Variants in SPOP observed in about 807,000 individuals in gnomAD.
SPOP encodes the protein speckle type BTB/POZ protein, also known as speckle-type POZ protein.
A neutral mutation model predicts 45.6 loss-of-function variants in SPOP; 11 were observed. That is an observed-to-expected ratio of 0.24 (90% CI 0.15 to 0.40). The LOEUF is 0.40. SPOP is among the 10% of genes least tolerant of loss of function. The pLI, the probability that SPOP is intolerant of heterozygous loss-of-function variation, is 1.00. For missense variants in SPOP, 152 were observed against 465.6 expected, an observed-to-expected ratio of 0.33 and a Z score of 6.20; for synonymous variants, 166 against 166.3, an observed-to-expected ratio of 1.00 and a Z score of 0.01.
intron 2 of SPOP, 77 bp from the exon 3 acceptor site, chr17:49,622,144 T>C: frequency 6.5e-7 from 1 of 1,544,096 alleles, no homozygotes; most frequent in Non-Finnish European, 8.8e-7. Context: ...CAGATTATCA[T>C]TTCCCCTCCC....
rs913445549 is a variant in SPOP, at chr17:49,641,482, C to A, written c.-66-18606G>T. 3.3e-5 allele frequency among the ~76,000 whole-genome samples: 5 copies of A among 150,008 alleles called. No individual in the cohort carries two copies. The East Asian group carries it at 9.8e-4, about 29-fold the overall frequency. ...ACAGTGTCTGGCACATGGAAGGCTA[C>A]AAATACTTATTTAATAAATGACTGA... On this transcript the variant is annotated intron_variant, in intron 1 of 9. Transcript: ENST00000504102.
intron 5 of SPOP, among the ~76,000 whole-genome samples, chr17:49,614,910 T>C (rs1172553190): frequency 6.6e-6 from 1 of 151,234 alleles, no homozygotes; most frequent in Admixed American, 6.6e-5. Flanking sequence ...TGGAGTGCAG[T>C]GGTAGCGGTG....
chr17:49,626,705 C>G (rs866524393), intron 1 of SPOP, among the ~76,000 whole-genome samples: 2 of 151,318 alleles, frequency 1.3e-5, no homozygotes, highest in Middle Eastern at 3.4e-3. Context: ...AAAGTAACAA[C>G]AAATCACACA....
chr17:49,677,966 C>T lies in SPOP; in HGVS notation c.-100G>A, dbSNP rs1282938263. The T allele has an allele frequency of 8.2e-6, 3 of 366,406 alleles. No homozygotes were observed. The highest frequency in any genetic ancestry group is 1.5e-5 in the Non-Finnish European group (3 of 205,668). 22.7% of individuals were successfully genotyped at this position (366,406 alleles called of 1,614,324 possible). ...GGCGGCGACAGCTGCTGGTCCCCGT[C>T]CCCCTGCGCTTGCCTCATACTGTCC... On this transcript the variant is annotated 5_prime_UTR_variant, in exon 1 of 10. Transcript: ENST00000504102.
intron 1 of SPOP, among the ~76,000 whole-genome samples, chr17:49,649,405 C>A (rs2072809334): frequency 6.6e-6 from 1 of 151,838 alleles, no homozygotes; most frequent in South Asian, 2.1e-4. Flanking sequence ...GGCGTGGCGG[C>A]GCATGCCTGT....
At chr17:49,610,365 C>T (rs915929645) in intron 6 of SPOP, among the ~76,000 whole-genome samples, 3 of 152,128 alleles carry the variant, frequency 2.0e-5, no homozygotes, top group African/African-American at 7.2e-5. Context: ...ATTACAGGCG[C>T]ATGCCACGAT....
At chr17:49,662,494 T>C (rs1212805741) in intron 1 of SPOP, among the ~76,000 whole-genome samples, 2 of 151,966 alleles carry the variant, frequency 1.3e-5, no homozygotes, top group Admixed American at 1.3e-4. Context: ...CCAGCCTGGC[T>C]GACATGGTGA....
chr17:49,630,301 GC>G (rs1414927943), intron 1 of SPOP, among the ~76,000 whole-genome samples: 1 of 152,150 alleles, frequency 6.6e-6, no homozygotes, highest in Non-Finnish European at 1.5e-5. Context: ...ATCATACACA[GC>G]CCAGGAGGTA....
intron 1 of SPOP, among the ~76,000 whole-genome samples, 185 bp from the exon 2 acceptor site, chr17:49,623,061 C>T (rs2072252691): frequency 6.6e-6 from 1 of 151,452 alleles, no homozygotes; most frequent in Admixed American, 6.6e-5. Flanking sequence ...GACGGGAGTG[C>T]AGTGGTGCGA....
intron 1 of SPOP, among the ~76,000 whole-genome samples, chr17:49,623,605 C>T (rs893936299): frequency 6.6e-6 from 1 of 152,188 alleles, no homozygotes; most frequent in Non-Finnish European, 1.5e-5. Context: ...TCCTATGCTT[C>T]ACTGCAAACT....
At chr17:49,672,114 T>A (rs1290202848) in intron 1 of SPOP, among the ~76,000 whole-genome samples, 1 of 152,126 alleles carries the variant, frequency 6.6e-6, no homozygotes, top group Non-Finnish European at 1.5e-5. Flanking sequence ...CACTCCAGCC[T>A]GGGAGACAGA....
In SPOP at chr17:49,600,485, A is replaced by C. The variant is rs781763948; in HGVS notation, c.1018T>G (p.Ser340Ala). 5.4e-5 allele frequency: 87 copies of C among 1,614,048 alleles called. No individual in the cohort carries two copies. The highest frequency in any genetic ancestry group is 7.3e-5 in the Non-Finnish European group (86 of 1,180,040). Residue 340 changes from serine to alanine, a missense_variant, in exon 10 of 10, where the codon TCA (serine) becomes GCA (alanine). Coordinates refer to ENST00000504102, the MANE Select transcript of SPOP (RefSeq NM_001007228.2). This position sits in a 1 kb window ranked among gnomAD's most constrained non-coding sequence, Gnocchi z 4.2. ...SDVLETSGWK[S>A]MVVSHPHLVA... ...AAGTGGGGATGTGACACCACCATTG[A>C]CTTCCACCCAGAGGTCTCCAAGACA...
chr17:49,673,544 A>G (rs909041249), intron 1 of SPOP, among the ~76,000 whole-genome samples: 9 of 152,166 alleles, frequency 5.9e-5, no homozygotes, highest in Non-Finnish European at 1.2e-4. Context: ...ATGCATATAC[A>G]TAAAGTAAAT....
At position 49,619,475 on chromosome 17, in the gene SPOP, A is replaced by C; in HGVS notation, c.201-90T>G. On this transcript the variant is annotated intron_variant, in intron 3 of 9. Transcript: ENST00000504102. The surrounding 1 kb of genome is among the most constrained non-coding windows in gnomAD (Gnocchi z 4.9). Reference sequence around the variant, plus strand: ...ACTCAAGAGAGGGAGATGTTTAAAAAACAAATGCAGGCCCCATAGAAGAAT... The same window carrying C: ...ACTCAAGAGAGGGAGATGTTTAAAACACAAATGCAGGCCCCATAGAAGAAT... 1.5e-6 allele frequency: 2 copies of C among 1,376,796 alleles called. No individual in the cohort carries two copies. The highest frequency in any genetic ancestry group is 9.8e-7 in the Non-Finnish European group (1 of 1,023,284). The allele number at this position is 1,376,796 out of a possible 1,614,324, so 85.3% of individuals were successfully genotyped here. A position where few individuals can be genotyped will look rare whatever the true frequency, so the allele number is the denominator to read the frequency against.
At chr17:49,626,950 T>C (rs904180680) in intron 1 of SPOP, among the ~76,000 whole-genome samples, 6 of 152,148 alleles carry the variant, frequency 3.9e-5, no homozygotes, top group African/African-American at 1.4e-4. Flanking sequence ...CCCGGGTTCA[T>C]GCCATTCTCC....
At chr17:49,648,919 G>A (rs1013231835) in intron 1 of SPOP, among the ~76,000 whole-genome samples, 1 of 151,842 alleles carries the variant, frequency 6.6e-6, no homozygotes, top group Admixed American at 6.6e-5. Context: ...CACCACGCCC[G>A]GCCAATCTTT....
intron 1 of SPOP, among the ~76,000 whole-genome samples, chr17:49,665,863 A>G (rs2143551846): frequency 6.6e-6 from 1 of 151,422 alleles, no homozygotes. Context: ...GCACACCTGT[A>G]GTCCCAGCTA....
chr17:49,604,314 T>C (rs777567032), intron 8 of SPOP, among the ~76,000 whole-genome samples: 26 of 152,240 alleles, frequency 1.7e-4, no homozygotes, highest in Non-Finnish European at 2.9e-4. Flanking sequence ...CATTGCTTCA[T>C]TGTACTCATA....
chr17:49,650,083 G>A (rs1187093576), intron 1 of SPOP, among the ~76,000 whole-genome samples: 1 of 151,496 alleles, frequency 6.6e-6, no homozygotes, highest in African/African-American at 2.4e-5. Flanking sequence ...TAGAGACAGA[G>A]TTTCTCCATC....
Sources: allele counts gnomAD v4.1 joint callset (sites outside exome capture counted in the v4.1 genomes callset), GRCh38; gene constraint gnomAD v4.1.1; non-coding constraint Gnocchi (gnomAD v3.1); transcripts MANE v1.5; gene names NCBI Gene and HGNC (gene_info 2026-07-23, HGNC 2026-07-21).